GNPTAB: variants seen among roughly 807,000 people sequenced by gnomAD.
The protein encoded by GNPTAB is N-acetylglucosamine-1-phosphotransferase subunits alpha/beta.
In GNPTAB, 92 loss-of-function variants were observed where a neutral mutation model predicts 136.6. The observed-to-expected ratio is 0.67, with a 90% CI of 0.57 to 0.80. The LOEUF (loss-of-function observed/expected upper bound fraction) is 0.80. Ranked by LOEUF, GNPTAB falls within the 30% of genes least tolerant of loss-of-function variation. The pLI is 0.00. For synonymous variants in GNPTAB, 512 were observed against 535.1 expected (o/e 0.96, Z 0.60); for missense variants, 1,343 against 1,501.8 (o/e 0.89, Z 1.75).
At chr12:101,758,896 T>G (rs1208016689) in intron 16 of GNPTAB, among the ~76,000 whole-genome samples, 1 of 152,224 alleles carries the variant, frequency 6.6e-6, no homozygotes, top group Non-Finnish European at 1.5e-5. Flanking sequence ...GTAGAAAATA[T>G]GAAAAACTCT....
chr12:101,761,139 C>T lies in GNPTAB; in HGVS notation c.3123G>A (p.Pro1041=), dbSNP rs138655417. Residue 1041 remains proline, a synonymous_variant, in exon 15 of 21, where the codon CCG becomes CCA. Coordinates refer to ENST00000299314, the MANE Select transcript of GNPTAB (RefSeq NM_024312.5). ...GACAATACAACACCTGCAAACTTAA[C>T]GGCAGTTCGTGAATTCTGGTAGCCA... ...RTLATRIHEL[P]LSLQDLTGLE... is the part of the protein sequence containing the mutation. 9.1e-5 allele frequency: 146 copies of T among 1,611,652 alleles called. No homozygotes were observed. The African/African-American group carries it at 1.0e-3, about 11-fold the overall frequency.
intron 11 of GNPTAB, 34 bp from the exon 12 acceptor site, chr12:101,766,328 G>C: frequency 1.3e-6 from 2 of 1,570,296 alleles, no homozygotes; most frequent in Non-Finnish European, 8.8e-7. Context: ...GATTCTTGCT[G>C]TAATTACAAT....
chr12:101,816,471 G>A (rs1354506935), intron 1 of GNPTAB, among the ~76,000 whole-genome samples: 6 of 152,142 alleles, frequency 3.9e-5, no homozygotes, highest in African/African-American at 1.4e-4. Context: ...AAGTTATCAG[G>A]GAAATGTAAT....
At chr12:101,826,306 T>C (rs556883842) in intron 1 of GNPTAB, among the ~76,000 whole-genome samples, 2 of 152,280 alleles carry the variant, frequency 1.3e-5, no homozygotes, top group South Asian at 4.1e-4. Flanking sequence ...TGGATATTTG[T>C]TTCCATACTT....
rs370478873 is a variant in GNPTAB, at chr12:101,775,355, T to A, written c.772-4198A>T. 5.4e-3 allele frequency among the ~76,000 whole-genome samples: 514 copies of A among 94,926 alleles called. 5 individuals are homozygous for A. Among genetic ancestry groups the A allele is most frequent in the African/African-American group, 0.024 (475 of 19,498 alleles). 62.3% of individuals were successfully genotyped at this position (94,926 alleles called of 152,430 possible). A position where few individuals can be genotyped will look rare whatever the true frequency, so the allele number is the denominator to read the frequency against. On this transcript the variant is annotated intron_variant, in intron 7 of 20. Coordinates refer to ENST00000299314, the MANE Select transcript of GNPTAB (RefSeq NM_024312.5). ...GATTCAACAATTCAAAGCTATTAGA[T>A]CTTTTTTTTCTTTTTTTTTTTTTGA...
intron 2 of GNPTAB, chr12:101,795,923 A>G (rs1035451715): frequency 3.7e-6 from 1 of 272,516 alleles, no homozygotes; most frequent in Admixed American, 5.2e-5. Flanking sequence ...GTTGAAAAAA[A>G]TTGTTTCCAT....
chr12:101,762,728 T>C (rs1353459643), intron 13 of GNPTAB, among the ~76,000 whole-genome samples: 2 of 152,054 alleles, frequency 1.3e-5, no homozygotes, highest in Non-Finnish European at 2.9e-5. Context: ...TAACTATACA[T>C]ACATATAGGT....
chr12:101,819,016 C>CTT (rs112486354), intron 1 of GNPTAB, among the ~76,000 whole-genome samples: 3 of 145,440 alleles, frequency 2.1e-5, no homozygotes, highest in African/African-American at 5.0e-5. Flanking sequence ...ACTCTTTTTC[C>CTT]TTTTTTTTTT....
At chr12:101,796,576 A>T in intron 2 of GNPTAB, 101 bp downstream of exon 2, 2 of 803,640 alleles carry the variant, frequency 2.5e-6, no homozygotes, top group Non-Finnish European at 4.4e-6. Context: ...AACCATATCT[A>T]TAACTCAGAA....
intron 1 of GNPTAB, among the ~76,000 whole-genome samples, chr12:101,809,271 A>T (rs1336060513): frequency 1.3e-5 from 2 of 152,232 alleles, no homozygotes. Context: ...GCTAAAATCC[A>T]AAACACTGAC....
intron 2 of GNPTAB, among the ~76,000 whole-genome samples, chr12:101,792,669 C>G (rs980632724): frequency 2.0e-5 from 3 of 152,192 alleles, no homozygotes. Context: ...CAAAGAGAAT[C>G]TATAGCTTCA....
chr12:101,754,183 T>G (rs777636332), intron 18 of GNPTAB, among the ~76,000 whole-genome samples: 11 of 152,106 alleles, frequency 7.2e-5, no homozygotes, highest in Non-Finnish European at 1.6e-4. Context: ...TCCCAGCACT[T>G]TGGGAGATCA....
In GNPTAB at chr12:101,770,075, C is replaced by G. The variant is rs768603881; in HGVS notation, c.1230G>C (p.Met410Ile). 1.9e-5 allele frequency: 30 copies of G among 1,614,068 alleles called. No individual in the cohort carries two copies. The Middle Eastern group carries it at 6.6e-4, about 35-fold the overall frequency. The change falls in exon 10 of 21, where the codon ATG becomes ATC. Residue 410 changes from methionine to isoleucine, a missense_variant. Physicochemically the swap from Met to Ile is conservative, Grantham distance 10. Transcript: ENST00000299314. ...QKFIYLNDDV[M>I]FGKDVWPDDF... ...CATCTGGCCAGACATCCTTCCCAAA[C>G]ATGACATCATCATTTAGGTAAATAA...
chr12:101,797,397 G>T (rs1869359211), intron 1 of GNPTAB, among the ~76,000 whole-genome samples: 1 of 152,114 alleles, frequency 6.6e-6, no homozygotes, highest in South Asian at 2.1e-4. Context: ...GGCTGAGGAG[G>T]GTGGATTCCC....
At chr12:101,783,676 T>C (rs1316973378) in intron 5 of GNPTAB, among the ~76,000 whole-genome samples, 1 of 152,082 alleles carries the variant, frequency 6.6e-6, no homozygotes, top group Admixed American at 6.6e-5. Flanking sequence ...GGGGCAGACA[T>C]TTATACTTGG....
intron 10 of GNPTAB, among the ~76,000 whole-genome samples, chr12:101,768,962 G>A (rs1566076742): frequency 6.6e-6 from 1 of 152,194 alleles, no homozygotes; most frequent in Non-Finnish European, 1.5e-5. Context: ...TTGTCCCCTT[G>A]TTAAGCCACA....
intron 15 of GNPTAB, among the ~76,000 whole-genome samples, chr12:101,760,515 CA>C (rs1196091245): frequency 6.6e-6 from 1 of 152,108 alleles, no homozygotes; most frequent in African/African-American, 2.4e-5. Flanking sequence ...CAGCTAGCCA[CA>C]CCTGAAGTCC....
intron 1 of GNPTAB, among the ~76,000 whole-genome samples, chr12:101,818,376 C>CTT (rs11347749): frequency 1.2e-4 from 16 of 132,648 alleles, no homozygotes; most frequent in African/African-American, 3.1e-4. Context: ...ATATTTGTGT[C>CTT]TTTTTTTTTT....
intron 19 of GNPTAB, 21 bp downstream of exon 19, chr12:101,753,351 A>G: frequency 6.3e-7 from 1 of 1,589,494 alleles, no homozygotes; most frequent in Admixed American, 1.7e-5. Flanking sequence ...ACACATGCAT[A>G]TATAAAACAT....
Sources: allele counts gnomAD v4.1 joint callset (sites outside exome capture counted in the v4.1 genomes callset), GRCh38; gene constraint gnomAD v4.1.1; transcripts MANE v1.5; gene names NCBI Gene and HGNC (gene_info 2026-07-23, HGNC 2026-07-21).